Variants in GRIN2A observed in about 807,000 individuals in gnomAD.
The protein encoded by GRIN2A is glutamate ionotropic receptor NMDA type subunit 2A, also known as glutamate receptor ionotropic, NMDA 2A.
In GRIN2A, 22 loss-of-function variants were observed where a neutral mutation model predicts 113.4. That is an observed-to-expected ratio of 0.19 (90% CI 0.14 to 0.28). The LOEUF is 0.28. GRIN2A is among the 10% of genes least tolerant of loss of function. The pLI, the probability that GRIN2A is intolerant of heterozygous loss-of-function variation, is 1.00. For missense variants in GRIN2A, 1,502 were observed against 1,887.0 expected, an observed-to-expected ratio of 0.80 and a Z score of 3.78; for synonymous variants, 827 against 738.4, an observed-to-expected ratio of 1.12 and a Z score of -1.94.
In GRIN2A at chr16:9,949,111, G is replaced by A. The variant is rs76739815; in HGVS notation, c.415-10560C>T. On this transcript the variant is annotated intron_variant, in intron 2 of 12. Coordinates refer to ENST00000330684, the MANE Select transcript of GRIN2A (RefSeq NM_001134407.3). ...CTCCTCTCTCCCCTCCACCTCCACG[G>A]TGCTCCCAGAACACACTGTCCAGGT... Among the ~76,000 whole-genome samples, 660 of 152,278 alleles carry A rather than the reference G, an allele frequency of 4.3e-3. 12 individuals carry two copies. The highest frequency in any genetic ancestry group is 0.015 in the African/African-American group (631 of 41,548).
Position 9,854,268 on chromosome 16 carries a change from T to C in GRIN2A, c.1123-4307A>G, listed in dbSNP as rs1450154015. Reference sequence around the variant, plus strand: ...TATCAAGGACCTGTATTCTCTCCCTTGCTCTTACTGCAACTTCAGCCCCCG... The same window carrying C: ...TATCAAGGACCTGTATTCTCTCCCTCGCTCTTACTGCAACTTCAGCCCCCG... On this transcript the variant is annotated intron_variant, in intron 4 of 12. Coordinates refer to ENST00000330684, the MANE Select transcript of GRIN2A (RefSeq NM_001134407.3). Among the ~76,000 whole-genome samples, 3 of 152,014 alleles carry C rather than the reference T, an allele frequency of 2.0e-5. No homozygotes were observed. In the East Asian group the frequency reaches 5.8e-4, roughly 29 times the overall value.
At chr16:9,798,106 C>T (rs936022816) in intron 11 of GRIN2A, among the ~76,000 whole-genome samples, 171 bp downstream of exon 11, 1 of 152,178 alleles carries the variant, frequency 6.6e-6, no homozygotes, top group African/African-American at 2.4e-5. Context: ...TCTAGAATTG[C>T]TTTCCATTAT....
At chr16:10,088,970 T>A (rs1008025053) in intron 2 of GRIN2A, among the ~76,000 whole-genome samples, 4 of 152,256 alleles carry the variant, frequency 2.6e-5, no homozygotes, top group African/African-American at 9.6e-5. Flanking sequence ...CATTACATAT[T>A]GTCTGTATGA....
chr16:10,059,418 C>A (rs1002703777), intron 2 of GRIN2A, among the ~76,000 whole-genome samples: 3 of 152,074 alleles, frequency 2.0e-5, no homozygotes, highest in Non-Finnish European at 4.4e-5. Flanking sequence ...GCTGGGGCTA[C>A]TGAGGCATCT....
chr16:9,919,263 C>A (rs2044313924), intron 3 of GRIN2A, among the ~76,000 whole-genome samples: 1 of 152,118 alleles, frequency 6.6e-6, no homozygotes. Context: ...TTCTTCATAC[C>A]ATGCTTCTCT....
At chr16:10,089,617 G>C (rs1472491971) in intron 2 of GRIN2A, among the ~76,000 whole-genome samples, 1 of 152,024 alleles carries the variant, frequency 6.6e-6, no homozygotes, top group Non-Finnish European at 1.5e-5. Context: ...GGGTTGAGGG[G>C]CTCTGTTTCA....
At chr16:10,008,997 C>T (rs1019116053) in intron 2 of GRIN2A, among the ~76,000 whole-genome samples, 3 of 152,178 alleles carry the variant, frequency 2.0e-5, no homozygotes, top group East Asian at 1.9e-4. Flanking sequence ...TTAGCTTACA[C>T]TCTGATGGAG....
intron 2 of GRIN2A, among the ~76,000 whole-genome samples, chr16:10,171,879 T>C (rs955320891): frequency 6.6e-6 from 1 of 152,182 alleles, no homozygotes; most frequent in Non-Finnish European, 1.5e-5. Flanking sequence ...GATGAAGACA[T>C]TGAGGCTCAA....
At chr16:10,057,564 G>A (rs1299684333) in intron 2 of GRIN2A, among the ~76,000 whole-genome samples, 1 of 152,102 alleles carries the variant, frequency 6.6e-6, no homozygotes, top group Non-Finnish European at 1.5e-5. Flanking sequence ...GCAGGGGACA[G>A]GGCACTAATT....
chr16:10,062,540 A>G (rs1003848031), intron 2 of GRIN2A, among the ~76,000 whole-genome samples: 6 of 152,200 alleles, frequency 3.9e-5, no homozygotes, highest in Admixed American at 6.5e-5. Flanking sequence ...GGTGACTGAC[A>G]CACACTAAAG....
chr16:10,117,280 A>C (rs2048745127), intron 2 of GRIN2A, among the ~76,000 whole-genome samples: 1 of 152,174 alleles, frequency 6.6e-6, no homozygotes, highest in African/African-American at 2.4e-5. Context: ...GAAAATACCA[A>C]GTCTTTTCCC....
chr16:9,810,159 C>T (rs577009700), intron 10 of GRIN2A, among the ~76,000 whole-genome samples: 46 of 152,266 alleles, frequency 3.0e-4, no homozygotes, highest in Non-Finnish European at 5.9e-4. Context: ...AATTGGCCAG[C>T]ACAATTACCA....
chr16:9,859,639 C>CAT (rs2043029553), intron 4 of GRIN2A, among the ~76,000 whole-genome samples: 1 of 151,068 alleles, frequency 6.6e-6, no homozygotes, highest in Admixed American at 6.6e-5. Flanking sequence ...CACACACACA[C>CAT]ACACAGAGAG....
At chr16:9,833,027 A>C (rs2042524255) in intron 8 of GRIN2A, among the ~76,000 whole-genome samples, 1 of 152,160 alleles carries the variant, frequency 6.6e-6, no homozygotes, top group African/African-American at 2.4e-5. Context: ...GGGATATGAG[A>C]CTTCAAGTTC....
At chr16:9,985,271 C>T (rs773375591) in intron 2 of GRIN2A, among the ~76,000 whole-genome samples, 10 of 151,982 alleles carry the variant, frequency 6.6e-5, no homozygotes, top group Non-Finnish European at 1.3e-4. Context: ...TATATGGTCC[C>T]GCATTTAGAA....
At chr16:9,980,871 G>T (rs1038599119) in intron 2 of GRIN2A, among the ~76,000 whole-genome samples, 1 of 151,020 alleles carries the variant, frequency 6.6e-6, no homozygotes, top group Non-Finnish European at 1.5e-5. Flanking sequence ...ACAGCATTAG[G>T]AGATACACCT....
chr16:9,813,931 C>A (rs1359317946), intron 10 of GRIN2A, among the ~76,000 whole-genome samples: 3 of 152,218 alleles, frequency 2.0e-5, no homozygotes, highest in East Asian at 1.9e-4. Context: ...TGGAAATGAA[C>A]CATTTGTGTC....
At chr16:9,957,050 T>G (rs2045326509) in intron 2 of GRIN2A, among the ~76,000 whole-genome samples, 1 of 152,160 alleles carries the variant, frequency 6.6e-6, no homozygotes, top group Non-Finnish European at 1.5e-5. Context: ...TCTAATCCCT[T>G]TCAATAATTC....
At chr16:9,934,678 TAAAAAA>T (rs33916243) in intron 3 of GRIN2A, among the ~76,000 whole-genome samples, 6 of 50,942 alleles carry the variant, frequency 1.2e-4, no homozygotes, top group African/African-American at 1.7e-4. Context: ...AGACTCTGTC[TAAAAAA>T]AAAAAAAAAA....
Sources: gnomAD v4.1 joint callset for allele counts (sites outside exome capture counted in the v4.1 genomes callset) on GRCh38, gnomAD v4.1.1 for gene constraint, MANE v1.5 for transcripts, NCBI Gene and HGNC (gene_info 2026-07-23, HGNC 2026-07-21) for gene names.